The following PDXDC1 variants were observed in gnomAD, a reference collection of about 807,000 sequenced individuals.
The protein encoded by PDXDC1 is pyridoxal-dependent decarboxylase domain-containing protein 1.
Under a neutral mutation model 100.1 loss-of-function variants are expected in PDXDC1, and 42 were observed. The observed-to-expected ratio is 0.42, with a 90% CI of 0.33 to 0.54. The LOEUF (loss-of-function observed/expected upper bound fraction) is 0.54. Among genes scored for constraint, PDXDC1 ranks in the 20% least tolerant of loss-of-function variants. The probability of loss-of-function intolerance (pLI) is 0.10; values close to 1 mark genes in which losing one functional copy is unlikely to be tolerated. For synonymous variants in PDXDC1, 260 were observed against 371.7 expected (o/e 0.70, Z 3.46); for missense variants, 636 against 979.2 (o/e 0.65, Z 4.68).
intron 16 of PDXDC1, among the ~76,000 whole-genome samples, chr16:15,076,144 G>A (rs1235154535): frequency 6.6e-6 from 1 of 152,102 alleles, no homozygotes; most frequent in East Asian, 1.9e-4. Context: ...TGTCCCAAGG[G>A]CACCTGAATC....
intron 11 of PDXDC1, 90 bp downstream of exon 11, chr16:15,017,512 T>C (rs2041881794): frequency 1.2e-6 from 1 of 827,972 alleles, no homozygotes; most frequent in East Asian, 2.6e-5. Context: ...CAGGAAAAAG[T>C]GAAAAATACC....
At chr16:15,098,698 G>GA (rs2046440404) in intron 16 of PDXDC1, among the ~76,000 whole-genome samples, 1 of 151,736 alleles carries the variant, frequency 6.6e-6, no homozygotes, top group Admixed American at 6.6e-5. Context: ...GACCAACATG[G>GA]AAAAACCCTG....
At chr16:15,136,113 G>A (rs948307888) in intron 16 of PDXDC1, 15 of 1,565,266 alleles carry the variant, frequency 9.6e-6, no homozygotes, top group African/African-American at 8.1e-5. Flanking sequence ...TCGAGAAGCC[G>A]ATCCACACGT....
intron 1 of PDXDC1, among the ~76,000 whole-genome samples, chr16:14,982,198 A>G (rs1312517820): frequency 6.6e-6 from 1 of 152,306 alleles, no homozygotes; most frequent in Non-Finnish European, 1.5e-5. Context: ...TCAACTAGGA[A>G]GATTATGATG....
At chr16:14,990,054 C>A in intron 1 of PDXDC1, 3 of 1,493,006 alleles carry the variant, frequency 2.0e-6, no homozygotes. Context: ...GCCGGACCCC[C>A]CAAACCACAG....
intron 16 of PDXDC1, among the ~76,000 whole-genome samples, chr16:15,105,203 G>A (rs2151858077): frequency 7.8e-6 from 1 of 127,988 alleles, no homozygotes; most frequent in Middle Eastern, 3.6e-3. Flanking sequence ...CACACATGTT[G>A]CAGCTTCTTT....
rs552354860 is a variant in PDXDC1 at position 15,032,118 on chromosome 16, G to A, written c.1571+212G>A. Reference sequence around the variant, plus strand: ...CGCTCAGGGAGGGGAGTTGCTGAATGTTCTGTCTGTAGGTGCCGACTCTCA... The same window carrying A: ...CGCTCAGGGAGGGGAGTTGCTGAATATTCTGTCTGTAGGTGCCGACTCTCA... On this transcript the variant is annotated intron_variant, in intron 17 of 22. Transcript: ENST00000396410. 5.0e-4 allele frequency: 292 copies of A among 579,086 alleles called. 1 individual carries two copies. In the South Asian group the frequency reaches 6.1e-3, roughly 12 times the overall value. The allele number at this position is 579,086 out of a possible 1,614,324, so 35.9% of individuals were successfully genotyped here.
At chr16:15,132,882 G>A (rs2048174433) in intron 16 of PDXDC1, 4 of 1,592,500 alleles carry the variant, frequency 2.5e-6, no homozygotes, top group Admixed American at 3.3e-5. Flanking sequence ...TACTGGGGCA[G>A]GCAGGCGGCA....
the PDXDC1 span, among the ~76,000 whole-genome samples, chr16:15,144,980 GT>G: frequency 6.6e-6 from 1 of 152,182 alleles, no homozygotes; most frequent in Non-Finnish European, 1.5e-5. Context: ...GGAGCCAGGC[GT>G]TGTGACCCCC....
chr16:15,043,194 C>T (rs2043899905), downstream of PDXDC1, among the ~76,000 whole-genome samples: 1 of 152,010 alleles, frequency 6.6e-6, no homozygotes, highest in African/African-American at 2.4e-5. Flanking sequence ...GCCACCGCAC[C>T]CGGCCTAATT....
chr16:15,003,179 ATAAT>A (rs1260254500), intron 4 of PDXDC1, among the ~76,000 whole-genome samples: 1 of 151,948 alleles, frequency 6.6e-6, no homozygotes, highest in Non-Finnish European at 1.5e-5. Context: ...ATTGCAATAA[ATAAT>A]TCTTATTTGA....
At chr16:15,015,264 G>T (rs2041700814) in intron 8 of PDXDC1, among the ~76,000 whole-genome samples, 2 of 152,372 alleles carry the variant, frequency 1.3e-5, no homozygotes, top group South Asian at 4.1e-4. Flanking sequence ...TTTATAAAGG[G>T]CATATCTAAA....
intron 16 of PDXDC1, chr16:15,130,424 C>T: frequency 6.6e-7 from 1 of 1,512,840 alleles, no homozygotes; most frequent in Non-Finnish European, 9.1e-7. Flanking sequence ...TGGAGAGGTT[C>T]AGACGGTAAC....
chr16:15,087,065 C>T (rs1362243076), intron 16 of PDXDC1, among the ~76,000 whole-genome samples: 5 of 152,138 alleles, frequency 3.3e-5, no homozygotes, highest in Admixed American at 6.5e-5. Flanking sequence ...AAATTTGAAA[C>T]GCAATGTATA....
chr16:15,050,545 C>T (rs1191881797), intron 16 of PDXDC1, among the ~76,000 whole-genome samples: 1 of 152,042 alleles, frequency 6.6e-6, no homozygotes, highest in African/African-American at 2.4e-5. Flanking sequence ...CCAGCCTGGG[C>T]AACAAGGAAG....
At chr16:14,984,495 A>AT (rs1159521017) in intron 1 of PDXDC1, among the ~76,000 whole-genome samples, 980 of 73,596 alleles carry the variant, frequency 0.013, 23 homozygotes, top group East Asian at 0.017. Context: ...ATATATATAT[A>AT]TTTTTTTTTT....
At chr16:15,104,202 A>G in intron 16 of PDXDC1, 5 of 971,966 alleles carry the variant, frequency 5.1e-6, no homozygotes, top group Non-Finnish European at 7.0e-6. Context: ...AATATTTTAC[A>G]TAACCAACCA....
intron 16 of PDXDC1, chr16:15,061,502 C>A: frequency 2.5e-6 from 1 of 402,054 alleles, no homozygotes; most frequent in Non-Finnish European, 4.4e-6. Context: ...CCAAATGTAT[C>A]ATCAACCCCA....
intron 16 of PDXDC1, among the ~76,000 whole-genome samples, chr16:15,073,253 G>A (rs1437113148): frequency 6.6e-6 from 1 of 152,192 alleles, no homozygotes; most frequent in Non-Finnish European, 1.5e-5. Context: ...GAGCCCGGGA[G>A]TTCAAGGGCA....
Sources: gnomAD v4.1 joint callset for allele counts (sites outside exome capture counted in the v4.1 genomes callset) on GRCh38, gnomAD v4.1.1 for gene constraint, MANE v1.5 for transcripts, NCBI Gene and HGNC (gene_info 2026-07-23, HGNC 2026-07-21) for gene names.